Variants in RAI14 observed in about 807,000 individuals in gnomAD.
RAI14 encodes the protein ankycorbin.
Under a neutral mutation model 115.4 loss-of-function variants are expected in RAI14, and 45 were observed. The ratio of observed to expected loss-of-function variants is 0.39; its 90% CI spans 0.31 to 0.50. The LOEUF (loss-of-function observed/expected upper bound fraction) is 0.50. RAI14 is among the 20% of genes least tolerant of loss of function. The pLI is 0.85. For synonymous variants in RAI14, 371 were observed against 415.4 expected (o/e 0.89, Z 1.30); for missense variants, 939 against 1,131.2 (o/e 0.83, Z 2.44).
At chr5:34,824,533 CTT>C in intron 15 of RAI14, 42 bp downstream of exon 15, 1 of 1,448,782 alleles carries the variant, frequency 6.9e-7, no homozygotes, top group Non-Finnish European at 9.2e-7. Context: ...AGCAATAAGT[CTT>C]AGTCTCTTTG....
At chr5:34,660,115 G>T (rs1262053316) in intron 1 of RAI14, among the ~76,000 whole-genome samples, 1 of 152,204 alleles carries the variant, frequency 6.6e-6, no homozygotes, top group African/African-American at 2.4e-5. Flanking sequence ...TGTCAAGGCT[G>T]CAGTGAGCCT....
chr5:34,750,814 T>A (rs1746878477), intron 2 of RAI14, among the ~76,000 whole-genome samples: 1 of 151,542 alleles, frequency 6.6e-6, no homozygotes, highest in Admixed American at 6.6e-5. Context: ...TGACCCTTAC[T>A]TTTATACTGA....
At chr5:34,812,558 G>A (rs948532276) in intron 10 of RAI14, among the ~76,000 whole-genome samples, 4 of 151,986 alleles carry the variant, frequency 2.6e-5, no homozygotes, top group South Asian at 2.1e-4. Flanking sequence ...CCAGCTGCTC[G>A]GGAGGCTGAG....
At chr5:34,795,859 G>GA in intron 3 of RAI14, 80 bp from the exon 4 acceptor site, 1 of 1,158,492 alleles carries the variant, frequency 8.6e-7, no homozygotes, top group Non-Finnish European at 1.3e-6. Flanking sequence ...GAAATGGCGG[G>GA]GGGCGGGGGG....
At chr5:34,657,358 C>A (rs1376399954) in intron 1 of RAI14, 1 of 152,480 alleles carries the variant, frequency 6.6e-6, no homozygotes, top group African/African-American at 2.4e-5. Context: ...AGTTTCGCAT[C>A]CCCCTTTTGT....
intron 3 of RAI14, among the ~76,000 whole-genome samples, chr5:34,768,252 G>A (rs1447446221): frequency 6.6e-6 from 1 of 151,914 alleles, no homozygotes; most frequent in Non-Finnish European, 1.5e-5. Flanking sequence ...GGTTCTCCAT[G>A]AGCACCTAGC....
At position 34,665,918 on chromosome 5, in the gene RAI14, G is replaced by A. The variant is rs145266604; in HGVS notation, c.-49+9443G>A. Among the ~76,000 whole-genome samples the A allele has an allele frequency of 7.9e-4, 120 of 152,208 alleles. 3 individuals are homozygous for A. Among genetic ancestry groups the A allele is most frequent in the African/African-American group, 2.7e-3 (112 of 41,518 alleles). On this transcript the variant is annotated intron_variant, in intron 1 of 17. Transcript: ENST00000265109. ...ACTCTCAATTTGAAAACTAGTCATCGGTTGCTATGTCAACCAGTCAACATA... is the reference window on the plus strand; with the variant it reads ...ACTCTCAATTTGAAAACTAGTCATCAGTTGCTATGTCAACCAGTCAACATA...
Position 34,808,581 on chromosome 5 carries a change from C to A in RAI14, c.380-3C>A. 2 of 1,614,042 alleles carry A rather than the reference C, an allele frequency of 1.2e-6. No homozygotes were observed. Among genetic ancestry groups the A allele is most frequent in the Non-Finnish European group, 1.7e-6 (2 of 1,179,920 alleles). ...TGTGGTATTTATATTTTCCTTCCCC[C>A]AGCGGCTCAGGGCTGCCTTCAAGCT... On this transcript the variant is annotated splice_region_variant and splice_polypyrimidine_tract_variant and intron_variant, in intron 6 of 17. Coordinates refer to ENST00000265109, the MANE Select transcript of RAI14 (RefSeq NM_015577.3).
chr5:34,660,778 C>T (rs952128340), intron 1 of RAI14, among the ~76,000 whole-genome samples: 2 of 145,358 alleles, frequency 1.4e-5, no homozygotes, highest in Non-Finnish European at 3.0e-5. Context: ...TGGGCACATT[C>T]TTTTTTTTTT....
chr5:34,741,732 T>C (rs923622426), intron 2 of RAI14, among the ~76,000 whole-genome samples: 1 of 152,032 alleles, frequency 6.6e-6, no homozygotes, highest in African/African-American at 2.4e-5. Flanking sequence ...TTGTTGACCA[T>C]GGACAGCCAC....
At chr5:34,673,757 C>A (rs939616294) in intron 1 of RAI14, among the ~76,000 whole-genome samples, 1 of 152,196 alleles carries the variant, frequency 6.6e-6, no homozygotes, top group African/African-American at 2.4e-5. Context: ...CCCATTCCCA[C>A]CCCTGCCTCT....
At chr5:34,737,024 A>G (rs924211910) in intron 2 of RAI14, among the ~76,000 whole-genome samples, 1 of 152,198 alleles carries the variant, frequency 6.6e-6, no homozygotes, top group Non-Finnish European at 1.5e-5. Flanking sequence ...TAGAAGAGCA[A>G]GTCCTACTGT....
At position 34,697,220 on chromosome 5, in the gene RAI14, T is replaced by G. The variant is rs113385272; in HGVS notation, c.36+10265T>G. Among the ~76,000 whole-genome samples, 244 of 152,138 alleles carry G rather than the reference T, an allele frequency of 1.6e-3. 1 individual carries two copies. Among genetic ancestry groups the G allele is most frequent in the African/African-American group, 5.6e-3 (233 of 41,484 alleles). ...GGGAGGCCGAGGTGGGTGGATCACC[T>G]GAGGTCGGGAGTTCGAGACCAGCCT... On this transcript the variant is annotated intron_variant, in intron 2 of 17. Coordinates refer to ENST00000265109, the MANE Select transcript of RAI14 (RefSeq NM_015577.3).
chr5:34,680,571 C>G (rs1240302836), intron 1 of RAI14, among the ~76,000 whole-genome samples: 1 of 152,186 alleles, frequency 6.6e-6, no homozygotes, highest in Non-Finnish European at 1.5e-5. Context: ...CTGGAGGACA[C>G]ATTCACACCA....
intron 1 of RAI14, among the ~76,000 whole-genome samples, chr5:34,675,918 A>T (rs1167451972): frequency 6.6e-6 from 1 of 152,198 alleles, no homozygotes; most frequent in Non-Finnish European, 1.5e-5. Flanking sequence ...ATTGCCACAG[A>T]TTATTTACCT....
intron 3 of RAI14, among the ~76,000 whole-genome samples, chr5:34,762,537 A>G (rs1748784444): frequency 6.6e-6 from 1 of 152,214 alleles, no homozygotes; most frequent in Non-Finnish European, 1.5e-5. Flanking sequence ...GAGGGGTTAA[A>G]AAAAAAGTAA....
At chr5:34,742,897 C>A (rs1481053345) in intron 2 of RAI14, among the ~76,000 whole-genome samples, 1 of 152,122 alleles carries the variant, frequency 6.6e-6, no homozygotes, top group African/African-American at 2.4e-5. Context: ...CTCCTGACCT[C>A]GTGATCCACC....
At chr5:34,725,962 CAA>C (rs199657623) in intron 2 of RAI14, among the ~76,000 whole-genome samples, 5 of 113,734 alleles carry the variant, frequency 4.4e-5, no homozygotes, top group Admixed American at 9.6e-5. Context: ...AACTGCTTCT[CAA>C]AAAAAAAAAA....
At chr5:34,700,030 C>T (rs1241697819) in intron 2 of RAI14, among the ~76,000 whole-genome samples, 3 of 152,090 alleles carry the variant, frequency 2.0e-5, no homozygotes, top group East Asian at 1.9e-4. Context: ...GAAATCAAAG[C>T]GGTCAGACTT....
Sources: allele counts gnomAD v4.1 joint callset (sites outside exome capture counted in the v4.1 genomes callset), GRCh38; gene constraint gnomAD v4.1.1; transcripts MANE v1.5; gene names NCBI Gene and HGNC (gene_info 2026-07-23, HGNC 2026-07-21).